The following GABPA variants were observed in gnomAD, a reference collection of about 807,000 sequenced individuals.
GABPA encodes the protein GA binding protein transcription factor subunit alpha.
Under a neutral mutation model 59.4 loss-of-function variants are expected in GABPA, and 4 were observed. The ratio of observed to expected loss-of-function variants is 0.07; its 90% confidence interval spans 0.03 to 0.15. The LOEUF (loss-of-function observed/expected upper bound fraction) is 0.15. Among genes scored for constraint, GABPA ranks in the 10% least tolerant of loss-of-function variants. The probability of loss-of-function intolerance (pLI) is 1.00; values close to 1 mark genes in which losing one functional copy is unlikely to be tolerated. For synonymous variants in GABPA, 164 were observed against 183.1 expected, an observed-to-expected ratio of 0.90 and a Z score of 0.84; for missense variants, 251 against 543.8, an observed-to-expected ratio of 0.46 and a Z score of 5.36.
intron 6 of GABPA, among the ~76,000 whole-genome samples, chr21:25,759,185 G>A (rs570996028): frequency 6.6e-6 from 1 of 152,266 alleles, no homozygotes; most frequent in African/African-American, 2.4e-5. Context: ...TCACTGTTAA[G>A]ACACCGAAAG....
chr21:25,768,670 C>T (rs2035948439), intron 9 of GABPA, among the ~76,000 whole-genome samples: 1 of 152,040 alleles, frequency 6.6e-6, no homozygotes, highest in Non-Finnish European at 1.5e-5. Context: ...TTTCTGACTC[C>T]AAAGCTCTTG....
At chr21:25,759,586 G>T (rs548739638) in intron 6 of GABPA, among the ~76,000 whole-genome samples, 1 of 152,168 alleles carries the variant, frequency 6.6e-6, no homozygotes, top group East Asian at 1.9e-4. Context: ...TTCTTGTGAG[G>T]ATTCTCCCAG....
chr21:25,755,715 G>A (rs922711393), intron 5 of GABPA, among the ~76,000 whole-genome samples: 5 of 151,988 alleles, frequency 3.3e-5, no homozygotes, highest in African/African-American at 4.8e-5. Context: ...ATGTTTTCCC[G>A]GTGTCCACAT....
chr21:25,751,114 T>G (rs2065247), intron 4 of GABPA, among the ~76,000 whole-genome samples: 4 of 152,070 alleles, frequency 2.6e-5, no homozygotes, highest in Non-Finnish European at 5.9e-5. Context: ...GTCATTTTAG[T>G]CTGAGGTTAT....
At chr21:25,744,298 C>A (rs2123502304) in intron 2 of GABPA, among the ~76,000 whole-genome samples, 1 of 151,866 alleles carries the variant, frequency 6.6e-6, no homozygotes, top group South Asian at 2.1e-4. Context: ...TTGAGGCCGG[C>A]CTGGTGTGAA....
intron 3 of GABPA, among the ~76,000 whole-genome samples, chr21:25,746,699 C>T (rs920546956): frequency 5.3e-5 from 8 of 152,076 alleles, no homozygotes; most frequent in African/African-American, 1.7e-4. Flanking sequence ...AAGTTTTTTT[C>T]TCTTAACAAT....
intron 4 of GABPA, among the ~76,000 whole-genome samples, chr21:25,750,010 A>G (rs12627621): frequency 0.31 from 47,336 of 152,134 alleles, 9,483 homozygotes; most frequent in Non-Finnish European, 0.44. Context: ...TGTATAGTGA[A>G]ATAATTATAC....
At chr21:25,753,734 T>C (rs2035568792) in intron 5 of GABPA, among the ~76,000 whole-genome samples, 1 of 152,176 alleles carries the variant, frequency 6.6e-6, no homozygotes, top group Non-Finnish European at 1.5e-5. Flanking sequence ...AATGCTGGGG[T>C]AACAAATAAA....
At chr21:25,758,591 A>G (rs1373867965) in intron 6 of GABPA, among the ~76,000 whole-genome samples, 1 of 152,150 alleles carries the variant, frequency 6.6e-6, no homozygotes. Flanking sequence ...TCTTACATTT[A>G]CTGCTCATCT....
At chr21:25,753,688 A>T (rs2035567586) in intron 5 of GABPA, among the ~76,000 whole-genome samples, 1 of 152,216 alleles carries the variant, frequency 6.6e-6, no homozygotes. Flanking sequence ...GAATTATAAG[A>T]AATAGATATC....
chr21:25,758,319 T>A, intron 6 of GABPA, 115 bp downstream of exon 6: 1 of 721,868 alleles, frequency 1.4e-6, no homozygotes, highest in Non-Finnish European at 2.2e-6. Context: ...GCAATAATAA[T>A]TAACATTTAT....
intron 2 of GABPA, 48 bp from the exon 3 acceptor site, chr21:25,745,159 AAAT>A: frequency 6.3e-7 from 1 of 1,591,236 alleles, no homozygotes; most frequent in Non-Finnish European, 8.6e-7. Context: ...TGTTGCTTTG[AAAT>A]CCAGGGTAAA....
At chr21:25,762,268 AT>A (rs761820269) in intron 6 of GABPA, 43 bp from the exon 7 acceptor site, 9 of 1,047,512 alleles carry the variant, frequency 8.6e-6, no homozygotes, top group Admixed American at 6.5e-5. Flanking sequence ...GGGTTTTTAT[AT>A]TTTTGGTTTT....
At chr21:25,741,502 G>T in intron 1 of GABPA, 71 bp from the exon 2 acceptor site, 1 of 688,550 alleles carries the variant, frequency 1.5e-6, no homozygotes, top group Non-Finnish European at 2.4e-6. Context: ...TTTGGATTGG[G>T]TCTCTACTTC....
chr21:25,749,055 T>C lies in GABPA; in HGVS notation c.242T>C (p.Leu81Ser). Residue 81 changes from leucine (L) to serine (S), a missense_variant, in exon 4 of 10, where the codon TTA becomes TCA. Leu to Ser is a moderately radical substitution (Grantham distance 145). Coordinates refer to ENST00000400075, the MANE Select transcript of GABPA (RefSeq NM_002040.4). ...GGTTAGCTGGATCCAGAACGAAGTT[T>C]ATTTGACCAAGGAGTAAAAACAGAT... The part of the protein sequence containing the change: ...QDIQLDPERS[L>S]FDQGVKTDGT... 1 of 1,607,226 alleles carries C rather than the reference T, an allele frequency of 6.2e-7. No homozygotes were observed. Among genetic ancestry groups the C allele is most frequent in the Non-Finnish European group, 8.5e-7 (1 of 1,174,054 alleles).
chr21:25,745,498 TAAA>T (rs1240773631), intron 3 of GABPA, 144 bp downstream of exon 3: 3 of 672,742 alleles, frequency 4.5e-6, no homozygotes, highest in African/African-American at 3.7e-5. Flanking sequence ...TGTTTAGAAA[TAAA>T]AAGGTTTTTA....
intron 6 of GABPA, among the ~76,000 whole-genome samples, chr21:25,759,273 A>G (rs908200402): frequency 2.0e-5 from 3 of 152,188 alleles, no homozygotes; most frequent in Non-Finnish European, 4.4e-5. Flanking sequence ...TGACTACAAC[A>G]TACTCTGACT....
chr21:25,764,941 T>G (rs2035854843), intron 9 of GABPA, among the ~76,000 whole-genome samples, 154 bp downstream of exon 9: 1 of 150,520 alleles, frequency 6.6e-6, no homozygotes, highest in Non-Finnish European at 1.5e-5. Flanking sequence ...TTTAAAAAGA[T>G]CTTAATAATT....
intron 5 of GABPA, among the ~76,000 whole-genome samples, chr21:25,756,623 T>C (rs933694088): frequency 6.6e-6 from 1 of 152,236 alleles, no homozygotes; most frequent in Non-Finnish European, 1.5e-5. Context: ...CAGGTTTTCC[T>C]ATGATCAGAG....
Sources: gnomAD v4.1 joint callset for allele counts (sites outside exome capture counted in the v4.1 genomes callset) on GRCh38, gnomAD v4.1.1 for gene constraint, MANE v1.5 for transcripts, NCBI Gene and HGNC (gene_info 2026-07-23, HGNC 2026-07-21) for gene names.